SGMS1: variants seen among roughly 807,000 people sequenced by gnomAD.
SGMS1 encodes sphingomyelin synthase 1.
Under a neutral mutation model 46.2 loss-of-function variants are expected in SGMS1, and 13 were observed. The ratio of observed to expected loss-of-function variants is 0.28; its 90% confidence interval spans 0.18 to 0.45. The LOEUF (loss-of-function observed/expected upper bound fraction) is 0.45. Among genes scored for constraint, SGMS1 ranks in the 20% least tolerant of loss-of-function variants. The pLI is 1.00. For missense variants in SGMS1, 324 were observed against 519.9 expected (o/e 0.62, Z 3.66); for synonymous variants, 203 against 187.8 (o/e 1.08, Z -0.66).
At chr10:50,530,651 A>AT (rs796975381) in intron 2 of SGMS1, among the ~76,000 whole-genome samples, 123 of 146,666 alleles carry the variant, frequency 8.4e-4, no homozygotes, top group East Asian at 1.2e-3. Flanking sequence ...CATCTGGCTA[A>AT]TTTTTTTTTT....
At position 50,460,788 on chromosome 10, in the gene SGMS1, G is replaced by A. The variant is rs1837254960; in HGVS notation, c.-428C>T. On this transcript the variant is annotated 5_prime_UTR_variant, in exon 5 of 11. Transcript: ENST00000361781. Reference sequence around the variant, plus strand: ...CATGTTTCCCAACCAGACACTTTCGGGCATCCCAAAGAACTCAATGGTGTG... The same window carrying A: ...CATGTTTCCCAACCAGACACTTTCGAGCATCCCAAAGAACTCAATGGTGTG... 6.6e-6 allele frequency: 1 copy of A among 152,272 alleles called. No homozygotes were observed. The highest frequency in any genetic ancestry group is 2.1e-4 in the South Asian group (1 of 4,824). The allele number at this position is 152,272 out of a possible 1,614,324, so 9.4% of individuals were successfully genotyped here.
At chr10:50,500,290 G>A (rs1349718715) in intron 3 of SGMS1, among the ~76,000 whole-genome samples, 2 of 152,180 alleles carry the variant, frequency 1.3e-5, no homozygotes, top group Non-Finnish European at 2.9e-5. Flanking sequence ...CTATGGGAAA[G>A]TCTCAGAAAT....
chr10:50,570,136 A>C (rs774479915), intron 2 of SGMS1, among the ~76,000 whole-genome samples: 5 of 152,202 alleles, frequency 3.3e-5, no homozygotes, highest in Non-Finnish European at 7.3e-5. Context: ...TTATTCCCCG[A>C]GCAAAATGCT....
intron 6 of SGMS1, among the ~76,000 whole-genome samples, chr10:50,371,528 T>C (rs1564892563): frequency 1.3e-5 from 2 of 152,240 alleles, no homozygotes; most frequent in African/African-American, 4.8e-5. Flanking sequence ...TGCCTTTGTA[T>C]GGTGGAGTTC....
Position 50,476,135 on chromosome 10 carries a change from ATGGTGGCGTG to A in SGMS1, c.-497-9213_-497-9204del, listed in dbSNP as rs530251499. Among the ~76,000 whole-genome samples the A allele has an allele frequency of 3.9e-4, 56 of 142,298 alleles. No individual in the cohort carries two copies. The South Asian group carries it at 0.013, about 32-fold the overall frequency. The allele number at this position is 142,298 out of a possible 152,430, so 93.4% of individuals were successfully genotyped here. A position where few individuals can be genotyped will look rare whatever the true frequency, so the allele number is the denominator to read the frequency against. Reference sequence around the variant, plus strand: ...AAAAAAAAAAAAAAATTAGCCAGGCATGGTGGCGTGTGCCTATAATCTGAGCTACTTAGGA... The same window carrying A: ...AAAAAAAAAAAAAAATTAGCCAGGCATGCCTATAATCTGAGCTACTTAGGA... On this transcript the variant is annotated intron_variant, in intron 3 of 10. Transcript: ENST00000361781.
intron 2 of SGMS1, among the ~76,000 whole-genome samples, chr10:50,551,578 T>A (rs1838148734): frequency 6.6e-6 from 1 of 152,108 alleles, no homozygotes; most frequent in South Asian, 2.1e-4. Flanking sequence ...GAATGTTTCA[T>A]ATCGATATAA....
At chr10:50,411,489 A>G (rs1302967432) in intron 6 of SGMS1, among the ~76,000 whole-genome samples, 1 of 151,862 alleles carries the variant, frequency 6.6e-6, no homozygotes, top group Non-Finnish European at 1.5e-5. Flanking sequence ...GATGCCCAGG[A>G]GCCTTGTAAA....
chr10:50,345,182 TA>T (rs1847896800), intron 6 of SGMS1, among the ~76,000 whole-genome samples: 1 of 151,860 alleles, frequency 6.6e-6, no homozygotes, highest in African/African-American at 2.4e-5. Flanking sequence ...CCCAAATAGA[TA>T]AAAGATCTAC....
chr10:50,325,646 A>G (rs749411471), intron 8 of SGMS1, among the ~76,000 whole-genome samples: 4 of 152,234 alleles, frequency 2.6e-5, no homozygotes, highest in Admixed American at 6.5e-5. Context: ...CTTGCCAGCA[A>G]CTGGCGGAGC....
intron 3 of SGMS1, among the ~76,000 whole-genome samples, chr10:50,514,980 TACA>T: frequency 6.6e-6 from 1 of 152,240 alleles, no homozygotes; most frequent in South Asian, 2.1e-4. Context: ...AAACAGAAGA[TACA>T]ACAAGCACTC....
At chr10:50,556,015 C>A (rs891043065) in intron 2 of SGMS1, among the ~76,000 whole-genome samples, 13 of 152,184 alleles carry the variant, frequency 8.5e-5, no homozygotes, top group African/African-American at 3.1e-4. Flanking sequence ...TTTCCCCTCT[C>A]CTCCATTCCC....
chr10:50,475,782 T>C (rs563024879), intron 3 of SGMS1, among the ~76,000 whole-genome samples: 12 of 152,230 alleles, frequency 7.9e-5, no homozygotes, highest in South Asian at 4.1e-4. Flanking sequence ...CTGTCAACCA[T>C]GTAAAGATGT....
intron 6 of SGMS1, among the ~76,000 whole-genome samples, 166 bp from the exon 7 acceptor site, chr10:50,344,511 T>C (rs1348287694): frequency 6.6e-6 from 1 of 151,376 alleles, no homozygotes; most frequent in African/African-American, 2.4e-5. Context: ...GTTATTAGTC[T>C]TTTGCGACAC....
In SGMS1 at chr10:50,491,649, G is replaced by A. The variant is rs952195959; in HGVS notation, c.-497-24717C>T. Reference sequence around the variant, plus strand: ...TTGAATCCCTGAACAGACCAATAACGAACTCTGAGATTGAAGCAGTAACAA... The same window carrying A: ...TTGAATCCCTGAACAGACCAATAACAAACTCTGAGATTGAAGCAGTAACAA... On this transcript the variant is annotated intron_variant, in intron 3 of 10. Coordinates refer to ENST00000361781, the MANE Select transcript of SGMS1 (RefSeq NM_147156.4). Among the ~76,000 whole-genome samples, 9 of 152,192 alleles carry A rather than the reference G, an allele frequency of 5.9e-5. No homozygotes were observed. The South Asian group carries it at 8.3e-4, about 14-fold the overall frequency.
intron 8 of SGMS1, among the ~76,000 whole-genome samples, chr10:50,320,189 T>A (rs538659725): frequency 6.6e-6 from 1 of 152,230 alleles, no homozygotes; most frequent in Non-Finnish European, 1.5e-5. Flanking sequence ...TGTCCCCCAC[T>A]CTGCCCTGGT....
In SGMS1 at chr10:50,593,149, C is replaced by T. The variant is rs566625551; in HGVS notation, c.-683-2902G>A. On this transcript the variant is annotated intron_variant, in intron 1 of 10. Coordinates refer to ENST00000361781, the MANE Select transcript of SGMS1 (RefSeq NM_147156.4). ...GATACACGTGGGAAAGAACTGAGGC[C>T]TCTTGCCAAGAACCAGCAAGGAACT... 3.3e-5 allele frequency among the ~76,000 whole-genome samples: 5 copies of T among 152,338 alleles called. No homozygotes were observed. The South Asian group carries it at 1.0e-3, about 32-fold the overall frequency.
At chr10:50,427,356 G>A (rs1419474194) in intron 6 of SGMS1, among the ~76,000 whole-genome samples, 2 of 152,164 alleles carry the variant, frequency 1.3e-5, no homozygotes, top group Non-Finnish European at 2.9e-5. Flanking sequence ...CCGAGATGGC[G>A]CCACAGCACT....
chr10:50,334,013 G>C (rs182943150), intron 7 of SGMS1, among the ~76,000 whole-genome samples: 141 of 152,354 alleles, frequency 9.3e-4, no homozygotes, highest in African/African-American at 3.3e-3. Flanking sequence ...TGGAGCCAGA[G>C]AGTAAGTCAA....
At chr10:50,466,718 TAACTA>T (rs1403642678) in intron 4 of SGMS1, among the ~76,000 whole-genome samples, 167 bp downstream of exon 4, 6 of 152,292 alleles carry the variant, frequency 3.9e-5, no homozygotes, top group Admixed American at 3.9e-4. Context: ...AATATGTACA[TAACTA>T]AATTAATTAA....
Sources: gnomAD v4.1 joint callset for allele counts (sites outside exome capture counted in the v4.1 genomes callset) on GRCh38, gnomAD v4.1.1 for gene constraint, MANE v1.5 for transcripts, NCBI Gene and HGNC (gene_info 2026-07-23, HGNC 2026-07-21) for gene names.